Variants in KCND2 observed in about 807,000 individuals in gnomAD.
KCND2 encodes the protein A-type voltage-gated potassium channel KCND2.
In KCND2, 16 loss-of-function variants were observed where a neutral mutation model predicts 54.4. The observed-to-expected ratio is 0.29, with a 90% CI of 0.20 to 0.45. The LOEUF is 0.45. KCND2 is among the 20% of genes least tolerant of loss of function. The pLI is 1.00. For synonymous variants in KCND2, 317 were observed against 310.7 expected (o/e 1.02, Z -0.21); for missense variants, 486 against 824.2 (o/e 0.59, Z 5.02).
intron 1 of KCND2, among the ~76,000 whole-genome samples, chr7:120,677,655 T>C: frequency 6.6e-6 from 1 of 151,728 alleles, no homozygotes; most frequent in East Asian, 1.9e-4. Context: ...AGATAGAACA[T>C]AGGATCCCCT....
At chr7:120,705,671 G>T (rs910917526) in intron 1 of KCND2, among the ~76,000 whole-genome samples, 3 of 152,070 alleles carry the variant, frequency 2.0e-5, no homozygotes, top group Admixed American at 6.6e-5. Context: ...TATTTTGGGG[G>T]ATTTTCCTGG....
intron 1 of KCND2, among the ~76,000 whole-genome samples, chr7:120,376,002 A>C (rs1434568336): frequency 6.6e-6 from 1 of 151,784 alleles, no homozygotes; most frequent in Non-Finnish European, 1.5e-5. Flanking sequence ...AGTGCTAACC[A>C]AGCGTAGGCA....
intron 1 of KCND2, among the ~76,000 whole-genome samples, chr7:120,440,144 C>T (rs1801927285): frequency 6.6e-6 from 1 of 152,130 alleles, no homozygotes; most frequent in East Asian, 1.9e-4. Flanking sequence ...TCTCCACGCT[C>T]TCACCAGCAT....
At chr7:120,490,276 T>C (rs942598185) in intron 1 of KCND2, among the ~76,000 whole-genome samples, 3 of 152,198 alleles carry the variant, frequency 2.0e-5, no homozygotes, top group Non-Finnish European at 4.4e-5. Flanking sequence ...AACCCATTGC[T>C]AATCACTATA....
chr7:120,504,759 C>T (rs1201319722), intron 1 of KCND2, among the ~76,000 whole-genome samples: 1 of 151,694 alleles, frequency 6.6e-6, no homozygotes, highest in Non-Finnish European at 1.5e-5. Flanking sequence ...TGAGTTCAGC[C>T]AAAGCCTAAT....
chr7:120,600,185 A>G (rs997240759), intron 1 of KCND2, among the ~76,000 whole-genome samples: 1 of 151,946 alleles, frequency 6.6e-6, no homozygotes, highest in Admixed American at 6.6e-5. Flanking sequence ...TTTATACACT[A>G]TATATTTATG....
At chr7:120,575,353 G>A (rs1225950128) in intron 1 of KCND2, among the ~76,000 whole-genome samples, 2 of 152,144 alleles carry the variant, frequency 1.3e-5, no homozygotes, top group East Asian at 1.9e-4. Context: ...TCCAGTGTTC[G>A]AGGGCAGGAA....
At chr7:120,528,796 T>C (rs1336224333) in intron 1 of KCND2, among the ~76,000 whole-genome samples, 1 of 152,200 alleles carries the variant, frequency 6.6e-6, no homozygotes, top group African/African-American at 2.4e-5. Flanking sequence ...TTTACCACTT[T>C]CTCAATTTCT....
intron 1 of KCND2, among the ~76,000 whole-genome samples, chr7:120,561,116 G>A (rs1211772835): frequency 3.3e-5 from 5 of 152,098 alleles, no homozygotes; most frequent in African/African-American, 7.2e-5. Flanking sequence ...CTAGTAATTT[G>A]CAAAATGTTT....
At chr7:120,500,352 G>T (rs924230392) in intron 1 of KCND2, among the ~76,000 whole-genome samples, 1 of 151,938 alleles carries the variant, frequency 6.6e-6, no homozygotes, top group Non-Finnish European at 1.5e-5. Flanking sequence ...ATGTCCCTTA[G>T]GTACTTTGCA....
intron 1 of KCND2, among the ~76,000 whole-genome samples, chr7:120,615,013 T>C (rs1307520687): frequency 6.6e-6 from 1 of 152,178 alleles, no homozygotes; most frequent in African/African-American, 2.4e-5. Context: ...AGAAAAGACA[T>C]GTACGGTAGT....
At position 120,682,849 on chromosome 7, in the gene KCND2, G is replaced by C. The variant is rs913492725; in HGVS notation, c.1116-50054G>C. Among the ~76,000 whole-genome samples the C allele has an allele frequency of 2.6e-5, 4 of 152,162 alleles. No homozygotes were observed. The East Asian group carries it at 7.7e-4, about 29-fold the overall frequency. The stretch of plus-strand genomic sequence containing the variant: ...TTGATTCAGCAACTTAAGAATGCTT[G>C]TTCCACATTTCTGCTCTGCCATTAT... On this transcript the variant is annotated intron_variant, in intron 1 of 5. Transcript: ENST00000331113.
chr7:120,538,673 C>A (rs576854576), intron 1 of KCND2, among the ~76,000 whole-genome samples: 1 of 152,144 alleles, frequency 6.6e-6, no homozygotes, highest in Non-Finnish European at 1.5e-5. Context: ...TACAGATGGA[C>A]CAGAAGCCAC....
intron 1 of KCND2, among the ~76,000 whole-genome samples, chr7:120,531,721 T>C (rs145432259): frequency 6.6e-6 from 1 of 152,274 alleles, no homozygotes; most frequent in African/African-American, 2.4e-5. Flanking sequence ...CCTTATTTCG[T>C]ATTTCACTTT....
rs557565696 is a variant in KCND2, at chr7:120,657,393, C to T, written c.1116-75510C>T. On this transcript the variant is annotated intron_variant, in intron 1 of 5. Coordinates refer to ENST00000331113, the MANE Select transcript of KCND2 (RefSeq NM_012281.3). The stretch of plus-strand genomic sequence containing the variant: ...TAGATATATATCAGATTTTATCTGC[C>T]ATTATTATACTGGCCCTCATTTGGG... 2.6e-5 allele frequency among the ~76,000 whole-genome samples: 4 copies of T among 151,956 alleles called. No individual in the cohort carries two copies. The South Asian group carries it at 6.3e-4, about 24-fold the overall frequency.
intron 1 of KCND2, among the ~76,000 whole-genome samples, chr7:120,619,206 T>C (rs1352183381): frequency 6.6e-6 from 1 of 152,212 alleles, no homozygotes; most frequent in African/African-American, 2.4e-5. Context: ...CCAAGGCAGG[T>C]GGATCACTTG....
intron 1 of KCND2, among the ~76,000 whole-genome samples, chr7:120,644,753 A>G (rs1793417666): frequency 6.6e-6 from 1 of 152,238 alleles, no homozygotes; most frequent in African/African-American, 2.4e-5. Context: ...GATATTAATT[A>G]GGAATATATT....
At chr7:120,419,067 A>AAT (rs538000015) in intron 1 of KCND2, among the ~76,000 whole-genome samples, 26 of 151,860 alleles carry the variant, frequency 1.7e-4, no homozygotes, top group Non-Finnish European at 3.1e-4. Flanking sequence ...TGTCTTTTAA[A>AAT]ATATATATAT....
intron 1 of KCND2, among the ~76,000 whole-genome samples, chr7:120,431,403 G>A (rs7793037): frequency 0.25 from 38,387 of 152,034 alleles, 6,614 homozygotes; most frequent in East Asian, 0.56. Flanking sequence ...TTTCAAGGAG[G>A]GAGTAGTGAG....
Sources: allele counts gnomAD v4.1 joint callset (sites outside exome capture counted in the v4.1 genomes callset), GRCh38; gene constraint gnomAD v4.1.1; transcripts MANE v1.5; gene names NCBI Gene and HGNC (gene_info 2026-07-23, HGNC 2026-07-21).